Variants in DCDC1 observed in about 807,000 individuals in gnomAD.
The protein encoded by DCDC1 is doublecortin domain-containing protein 1.
A neutral mutation model predicts 178.3 loss-of-function variants in DCDC1; 200 were observed. The observed-to-expected ratio is 1.12, with a 90% CI of 1.00 to 1.26. DCDC1 has a LOEUF of 1.26. DCDC1 is among the 50% of genes most tolerant of loss of function. DCDC1 has a pLI of 0.00. For missense variants in DCDC1, 1,983 were observed against 1,749.2 expected (o/e 1.13, Z -2.38); for synonymous variants, 690 against 604.8 (o/e 1.14, Z -2.07).
intron 8 of DCDC1, among the ~76,000 whole-genome samples, chr11:31,248,143 T>C (rs1943708567): frequency 6.6e-6 from 1 of 152,046 alleles, no homozygotes; most frequent in Non-Finnish European, 1.5e-5. Flanking sequence ...AAATCTAACC[T>C]AAAATAGAAG....
At chr11:31,117,370 T>C in intron 11 of DCDC1, among the ~76,000 whole-genome samples, 1 of 142,046 alleles carries the variant, frequency 7.0e-6, no homozygotes, top group Admixed American at 7.0e-5. Context: ...AGAAAGAATT[T>C]TGATTTCAGG....
chr11:31,266,897 T>C (rs1945204067), intron 7 of DCDC1, among the ~76,000 whole-genome samples: 1 of 152,220 alleles, frequency 6.6e-6, no homozygotes, highest in Non-Finnish European at 1.5e-5. Context: ...AGTTGCTCTA[T>C]CAAAAGACAG....
chr11:31,193,799 A>G (rs1374558739), intron 9 of DCDC1, among the ~76,000 whole-genome samples: 1 of 152,142 alleles, frequency 6.6e-6, no homozygotes, highest in East Asian at 1.9e-4. Context: ...TAACTCACAC[A>G]GAGAGTTGCT....
chr11:30,953,286 T>C (rs1253881032), intron 20 of DCDC1, among the ~76,000 whole-genome samples: 4 of 148,466 alleles, frequency 2.7e-5, no homozygotes, highest in Non-Finnish European at 4.5e-5. Context: ...ATAAGTATTA[T>C]ATTTATTATC....
chr11:31,012,404 C>A (rs991310988), intron 20 of DCDC1, among the ~76,000 whole-genome samples: 7 of 151,862 alleles, frequency 4.6e-5, no homozygotes, highest in Admixed American at 3.3e-4. Context: ...AGTTAGAGAC[C>A]AGCCTGGGTA....
intron 20 of DCDC1, among the ~76,000 whole-genome samples, chr11:31,003,780 T>G (rs1297773602): frequency 6.6e-6 from 1 of 152,190 alleles, no homozygotes; most frequent in Non-Finnish European, 1.5e-5. Context: ...GTGATACCAC[T>G]GAAGAACATT....
intron 11 of DCDC1, among the ~76,000 whole-genome samples, chr11:31,114,008 G>T (rs1009219146): frequency 6.6e-6 from 1 of 152,028 alleles, no homozygotes; most frequent in African/African-American, 2.4e-5. Flanking sequence ...TTGGTGCCAG[G>T]CACTCTAGTG....
chr11:30,981,462 G>T (rs934283389), intron 20 of DCDC1, among the ~76,000 whole-genome samples: 1 of 152,188 alleles, frequency 6.6e-6, no homozygotes, highest in African/African-American at 2.4e-5. Flanking sequence ...GACTTCCAGA[G>T]TTAAATGTGA....
chr11:31,353,947 G>C (rs1951199371), intron 1 of DCDC1, among the ~76,000 whole-genome samples: 1 of 151,958 alleles, frequency 6.6e-6, no homozygotes, highest in Non-Finnish European at 1.5e-5. Flanking sequence ...TTTTTTTCTT[G>C]AAGGGATAGT....
chr11:31,158,459 A>G (rs911869199), intron 9 of DCDC1, among the ~76,000 whole-genome samples: 2 of 152,156 alleles, frequency 1.3e-5, no homozygotes, highest in African/African-American at 4.8e-5. Flanking sequence ...ATGTTGTACA[A>G]TAGATTTCAT....
chr11:30,939,266 G>C (rs1947482521), intron 21 of DCDC1, among the ~76,000 whole-genome samples: 1 of 152,146 alleles, frequency 6.6e-6, no homozygotes, highest in Non-Finnish European at 1.5e-5. Context: ...GGGACACCCA[G>C]AGAGAGCGGG....
rs975091592 is a variant in DCDC1, at chr11:31,174,112, T to G, written c.1222-36328A>C. On this transcript the variant is annotated intron_variant, in intron 9 of 38. Coordinates refer to ENST00000684477, the MANE Select transcript of DCDC1 (RefSeq NM_001387274.1). ...GCAGACCCAGGCATCCCTGTGCTCT[T>G]GGGAGCCAGGAGCAGAAAGGAGCCC... Among the ~76,000 whole-genome samples, 9 of 152,100 alleles carry G rather than the reference T, an allele frequency of 5.9e-5. No individual in the cohort carries two copies. The East Asian group carries it at 1.7e-3, about 30-fold the overall frequency.
intron 9 of DCDC1, among the ~76,000 whole-genome samples, chr11:31,233,923 G>A (rs188111954): frequency 6.6e-6 from 1 of 152,244 alleles, no homozygotes; most frequent in African/African-American, 2.4e-5. Flanking sequence ...GTGAGACTGA[G>A]GAACCCAATT....
At chr11:31,245,750 G>A (rs1383698681) in intron 8 of DCDC1, among the ~76,000 whole-genome samples, 1 of 151,654 alleles carries the variant, frequency 6.6e-6, no homozygotes, top group African/African-American at 2.4e-5. Context: ...AAATGACAGA[G>A]CAATAATATT....
chr11:31,168,574 C>T (rs922178013), intron 9 of DCDC1, among the ~76,000 whole-genome samples: 1 of 152,234 alleles, frequency 6.6e-6, no homozygotes, highest in Middle Eastern at 3.4e-3. Context: ...GGGGACAAGT[C>T]GGAGAAAATC....
At chr11:31,274,546 T>C (rs1014928471) in intron 7 of DCDC1, among the ~76,000 whole-genome samples, 1 of 151,576 alleles carries the variant, frequency 6.6e-6, no homozygotes, top group African/African-American at 2.4e-5. Flanking sequence ...ACATAGCATA[T>C]GAAAAGGCTC....
intron 2 of DCDC1, among the ~76,000 whole-genome samples, chr11:31,333,858 G>C (rs753589234): frequency 5.9e-5 from 9 of 152,062 alleles, no homozygotes; most frequent in Non-Finnish European, 1.3e-4. Context: ...TATGTGTCTT[G>C]GGGTTGCTCT....
chr11:31,015,107 C>CG (rs1463504519), intron 20 of DCDC1, among the ~76,000 whole-genome samples: 1 of 151,922 alleles, frequency 6.6e-6, no homozygotes, highest in Non-Finnish European at 1.5e-5. Flanking sequence ...CCACCATGCC[C>CG]GGCTAATTTT....
chr11:31,035,244 A>G (rs1007330687), intron 20 of DCDC1, among the ~76,000 whole-genome samples: 2 of 152,214 alleles, frequency 1.3e-5, no homozygotes, highest in Non-Finnish European at 2.9e-5. Flanking sequence ...GATTATCAAT[A>G]CTAAGAAATT....
Sources: gnomAD v4.1 joint callset for allele counts (sites outside exome capture counted in the v4.1 genomes callset) on GRCh38, gnomAD v4.1.1 for gene constraint, MANE v1.5 for transcripts, NCBI Gene and HGNC (gene_info 2026-07-23, HGNC 2026-07-21) for gene names.